Variants in ZMYM2 observed in about 807,000 individuals in gnomAD.
The protein encoded by ZMYM2 is zinc finger MYM-type protein 2.
A neutral mutation model predicts 162.8 loss-of-function variants in ZMYM2; 56 were observed. That is an observed-to-expected ratio of 0.34 (90% CI 0.28 to 0.43). ZMYM2 has a LOEUF of 0.43. ZMYM2 is among the 20% of genes least tolerant of loss of function. ZMYM2 has a pLI of 1.00. For missense variants in ZMYM2, 1,275 were observed against 1,621.8 expected (o/e 0.79, Z 3.67); for synonymous variants, 510 against 541.6 (o/e 0.94, Z 0.81).
At chr13:20,061,368 T>TACGG in intron 17 of ZMYM2, 144 bp downstream of exon 17, 1 of 644,210 alleles carries the variant, frequency 1.6e-6, no homozygotes, top group Non-Finnish European at 2.2e-6. Context: ...GTTTTTTATA[T>TACGG]TAAGAGATCT....
chr13:20,062,589 C>T (rs1001573338), intron 17 of ZMYM2, among the ~76,000 whole-genome samples: 7 of 152,078 alleles, frequency 4.6e-5, no homozygotes, highest in Non-Finnish European at 1.0e-4. Context: ...CAAAGCATAC[C>T]TATTAGCTTT....
At chr13:19,958,225 G>C (rs1593989927), upstream of ZMYM2, among the ~76,000 whole-genome samples, 1 of 152,178 alleles carries the variant, frequency 6.6e-6, no homozygotes, top group African/African-American at 2.4e-5. Flanking sequence ...CCTCGCAGGG[G>C]CCTTCAAGCA....
intron 10 of ZMYM2, among the ~76,000 whole-genome samples, chr13:20,033,976 C>T (rs2140339361): frequency 6.6e-6 from 1 of 152,226 alleles, no homozygotes; most frequent in Middle Eastern, 3.4e-3. Flanking sequence ...TCCCATTTCT[C>T]CAATTATGTT....
chr13:19,955,550 A>G (rs140261818), upstream of ZMYM2, among the ~76,000 whole-genome samples: 2 of 152,158 alleles, frequency 1.3e-5, no homozygotes, highest in Non-Finnish European at 2.9e-5. Flanking sequence ...ATTAACGGTG[A>G]GCTCTTGGTC....
At chr13:19,866,571 A>G in the ZMYM2 span, among the ~76,000 whole-genome samples, 39 of 152,244 alleles carry the variant, frequency 2.6e-4, no homozygotes, top group African/African-American at 9.4e-4. Flanking sequence ...AGGCTGAGGC[A>G]GGAGAATCAC....
At chr13:19,926,360 ATTTTTTTTTTTTT>A in the ZMYM2 span, among the ~76,000 whole-genome samples, 4 of 105,446 alleles carry the variant, frequency 3.8e-5, no homozygotes, top group African/African-American at 1.5e-4. Context: ...AGGACTACTT[ATTTTTTTTTTTTT>A]TTTTTTTTTA....
the ZMYM2 span, among the ~76,000 whole-genome samples, chr13:19,904,997 T>C: frequency 3.4e-3 from 511 of 151,672 alleles, 1 homozygote; most frequent in African/African-American, 0.012. Context: ...ATTTGAGTTC[T>C]TGCTTTCAAT....
At chr13:19,955,869 G>C (rs1954500519), upstream of ZMYM2, among the ~76,000 whole-genome samples, 1 of 152,202 alleles carries the variant, frequency 6.6e-6, no homozygotes, top group Non-Finnish European at 1.5e-5. Flanking sequence ...TGAGTGGCCA[G>C]ATATTTGAAA....
chr13:19,980,531 C>A (rs764996631), intron 2 of ZMYM2, among the ~76,000 whole-genome samples: 1 of 151,952 alleles, frequency 6.6e-6, no homozygotes, highest in East Asian at 1.9e-4. Context: ...GCAGGCAGAT[C>A]ACTTGAGGTC....
chr13:20,015,711 C>A (rs1000743396), intron 6 of ZMYM2, among the ~76,000 whole-genome samples: 4 of 151,972 alleles, frequency 2.6e-5, no homozygotes, highest in African/African-American at 9.7e-5. Context: ...GGTAAGTAGA[C>A]CCTTTGTTCA....
chr13:19,969,842 A>C (rs1349708226), intron 2 of ZMYM2, among the ~76,000 whole-genome samples: 1 of 151,916 alleles, frequency 6.6e-6, no homozygotes, highest in East Asian at 1.9e-4. Flanking sequence ...AATCTGAAAC[A>C]TTTGAACATC....
chr13:19,888,176 G>A, the ZMYM2 span, among the ~76,000 whole-genome samples: 3 of 151,708 alleles, frequency 2.0e-5, no homozygotes. Flanking sequence ...ATCGCGCCTG[G>A]CTAAATTATA....
chr13:20,075,751 G>A (rs548310230), intron 21 of ZMYM2, among the ~76,000 whole-genome samples: 5 of 127,266 alleles, frequency 3.9e-5, no homozygotes, highest in Non-Finnish European at 7.7e-5. Context: ...GCGCCATCTC[G>A]GCTTAATGCA....
At chr13:20,031,865 G>GTTTTTTTTTTTT (rs10642086) in intron 10 of ZMYM2, among the ~76,000 whole-genome samples, 66 of 130,222 alleles carry the variant, frequency 5.1e-4, no homozygotes, top group African/African-American at 9.7e-4. Context: ...TTCTGTAATT[G>GTTTTTTTTTTTT]TTTTTTTTTT....
the ZMYM2 span, among the ~76,000 whole-genome samples, chr13:19,874,042 G>A: frequency 6.6e-6 from 1 of 152,260 alleles, no homozygotes; most frequent in East Asian, 1.9e-4. Flanking sequence ...GAGAGTGGGT[G>A]GAACTAGGTG....
the ZMYM2 span, among the ~76,000 whole-genome samples, chr13:19,942,520 T>A: frequency 7.1e-6 from 1 of 141,766 alleles, no homozygotes; most frequent in East Asian, 2.1e-4. Context: ...CTGGGCAACA[T>A]AGGGAGATAC....
At chr13:20,019,719 T>C in intron 7 of ZMYM2, 101 bp downstream of exon 7, 1 of 1,093,448 alleles carries the variant, frequency 9.1e-7, no homozygotes, top group Non-Finnish European at 1.3e-6. Flanking sequence ...ATTTGAAATA[T>C]ATTAAAATTT....
At chr13:20,072,389 C>T (rs1957152483) in intron 21 of ZMYM2, among the ~76,000 whole-genome samples, 1 of 152,088 alleles carries the variant, frequency 6.6e-6, no homozygotes, top group Non-Finnish European at 1.5e-5. Context: ...GGTGTAGTGG[C>T]GAGCACCTGT....
intron 2 of ZMYM2, among the ~76,000 whole-genome samples, chr13:19,974,197 C>G (rs1240435917): frequency 6.6e-6 from 1 of 152,204 alleles, no homozygotes; most frequent in African/African-American, 2.4e-5. Context: ...CTACACAATT[C>G]TCTTCCCTAG....
Sources: allele counts gnomAD v4.1 joint callset (sites outside exome capture counted in the v4.1 genomes callset), GRCh38; gene constraint gnomAD v4.1.1; transcripts MANE v1.5; gene names NCBI Gene and HGNC (gene_info 2026-07-23, HGNC 2026-07-21).